Variants in BAIAP2L2 observed in about 807,000 individuals in gnomAD.
BAIAP2L2 encodes the protein BAR/IMD domain-containing adapter protein 2-like 2.
In BAIAP2L2, 65 loss-of-function variants were observed where a neutral mutation model predicts 60.4. The observed-to-expected ratio is 1.08, with a 90% confidence interval of 0.88 to 1.32. BAIAP2L2 has a LOEUF of 1.32. Among genes scored for constraint, BAIAP2L2 ranks in the 40% most tolerant of loss-of-function variants. BAIAP2L2 has a pLI of 0.00. For synonymous variants in BAIAP2L2, 344 were observed against 301.7 expected (o/e 1.14, Z -1.45); for missense variants, 836 against 741.2 (o/e 1.13, Z -1.48).
In BAIAP2L2 at chr22:38,088,832, C is replaced by T. The variant is rs778920958; in HGVS notation, c.1034G>A (p.Arg345His). The change falls in exon 10 of 14, where the codon CGC (arginine) becomes CAC (histidine). Residue 345 changes from arginine to histidine, a missense_variant. Physicochemically the swap from Arg to His is conservative, Grantham distance 29. Transcript: ENST00000381669. ...CTCCACCACGTCCCCAGCGGAGAAGCGCAGCAGCGTGTGGTTGGCGCCCTC... is the reference window on the plus strand; with the variant it reads ...CTCCACCACGTCCCCAGCGGAGAAGTGCAGCAGCGTGTGGTTGGCGCCCTC... ...HSEGANHTLLRFSAGDVVEVL... is the reference protein window; with the variant it reads ...HSEGANHTLLHFSAGDVVEVL... 2.5e-6 allele frequency: 4 copies of T among 1,600,088 alleles called. No homozygotes were observed. Among genetic ancestry groups the T allele is most frequent in the African/African-American group, 2.7e-5 (2 of 74,898 alleles).
At chr22:38,098,017 G>GCCCC in intron 6 of BAIAP2L2, 46 bp downstream of exon 6, 3 of 741,762 alleles carry the variant, frequency 4.0e-6, no homozygotes, top group Non-Finnish European at 4.5e-6. Context: ...CCCGAGGTCT[G>GCCCC]CCCACCCGCC....
intron 4 of BAIAP2L2, 75 bp downstream of exon 4, chr22:38,107,777 A>G: frequency 2.1e-6 from 3 of 1,398,338 alleles, no homozygotes; most frequent in Non-Finnish European, 3.0e-6. Flanking sequence ...GGCATCTGGT[A>G]GGCTGGGCCC....
At chr22:38,105,075 TAACA>T (rs891918599) in intron 4 of BAIAP2L2, among the ~76,000 whole-genome samples, 5 of 152,180 alleles carry the variant, frequency 3.3e-5, no homozygotes, top group African/African-American at 1.2e-4. Context: ...TAGTTTACAA[TAACA>T]AACATTTTTT....
At chr22:38,089,431 G>C in intron 8 of BAIAP2L2, 91 bp downstream of exon 8, 3 of 697,194 alleles carry the variant, frequency 4.3e-6, no homozygotes, top group South Asian at 7.2e-5. Context: ...AGCCTGGGGG[G>C]CAGGAGGCTC....
intron 7 of BAIAP2L2, among the ~76,000 whole-genome samples, chr22:38,092,213 G>A (rs140420276): frequency 4.1e-4 from 63 of 152,354 alleles, no homozygotes; most frequent in African/African-American, 1.3e-3. Context: ...TAGCGAAGAT[G>A]AATAAGAAAG....
At chr22:38,085,526 CTTT>C (rs1327527764) in intron 13 of BAIAP2L2, 151 bp from the exon 14 acceptor site, 1 of 1,284,372 alleles carries the variant, frequency 7.8e-7, no homozygotes, top group Non-Finnish European at 1.1e-6. Flanking sequence ...CTTTTTTTTT[CTTT>C]TAAGAGATAG....
At chr22:38,090,761 G>A (rs1053492675) in intron 7 of BAIAP2L2, 1 of 152,230 alleles carries the variant, frequency 6.6e-6, no homozygotes, top group African/African-American at 2.4e-5. Flanking sequence ...AGTAAGCGTT[G>A]AAGGGGTCTG....
At chr22:38,085,820 G>T in intron 12 of BAIAP2L2, 88 bp from the exon 13 acceptor site, 2 of 1,286,374 alleles carry the variant, frequency 1.6e-6, no homozygotes, top group African/African-American at 1.5e-5. Context: ...ATGCCCAAGG[G>T]CAGAGGACTG....
chr22:38,089,117 G>T lies in BAIAP2L2; in HGVS notation c.880C>A (p.Leu294Met), dbSNP rs1427661816. 2 of 1,371,644 alleles carry T rather than the reference G, an allele frequency of 1.5e-6. No individual in the cohort carries two copies. Among genetic ancestry groups the T allele is most frequent in the Non-Finnish European group, 1.9e-6 (2 of 1,068,878 alleles). The allele number at this position is 1,371,644 out of a possible 1,614,324, so 85.0% of individuals were successfully genotyped here. A position where few individuals can be genotyped will look rare whatever the true frequency, so the allele number is the denominator to read the frequency against. ...TCACAGGCCGACGGCGTGCGGGGCA[G>T]GGAGCGACGGTCTGGCTCTAGCTGG... The part of the protein sequence containing the change: ...ASQLEPDRRS[L>M]PRTPSASSLY... The change falls in exon 9 of 14, where the codon CTG (leucine) becomes ATG (methionine). Residue 294 changes from leucine (L) to methionine (M), a missense_variant. By Grantham distance (15) the Leu-to-Met change is conservative. Coordinates refer to ENST00000381669, the MANE Select transcript of BAIAP2L2 (RefSeq NM_025045.6).
At chr22:38,105,339 CTTT>C (rs1035690122) in intron 4 of BAIAP2L2, among the ~76,000 whole-genome samples, 5 of 94,964 alleles carry the variant, frequency 5.3e-5, no homozygotes, top group Non-Finnish European at 4.6e-5. Context: ...TTTTTCTTTT[CTTT>C]TTTTTTTTTT....
At chr22:38,109,709 C>T (rs541634215) in intron 1 of BAIAP2L2, among the ~76,000 whole-genome samples, 5 of 152,126 alleles carry the variant, frequency 3.3e-5, no homozygotes, top group African/African-American at 1.2e-4. Context: ...GTGTGGGCCT[C>T]CTCGGGCTGG....
At chr22:38,087,694 C>T (rs1240214958) in intron 10 of BAIAP2L2, among the ~76,000 whole-genome samples, 3 of 152,056 alleles carry the variant, frequency 2.0e-5, no homozygotes, top group Admixed American at 2.0e-4. Flanking sequence ...GTCACCCGCC[C>T]AGCTATGGAC....
At chr22:38,109,972 C>T (rs557796365) in intron 1 of BAIAP2L2, among the ~76,000 whole-genome samples, 13 of 144,952 alleles carry the variant, frequency 9.0e-5, no homozygotes, top group South Asian at 6.7e-4. Context: ...ATGTCTGTGG[C>T]GGCTGCAACA....
intron 6 of BAIAP2L2, 39 bp downstream of exon 6, chr22:38,098,024 C>CCCCCCAACAGG: frequency 3.1e-6 from 3 of 970,806 alleles, no homozygotes; most frequent in Non-Finnish European, 4.9e-6. Flanking sequence ...TCTGCCCACC[C>CCCCCCAACAGG]GCCCTTCCTG....
At chr22:38,089,433 A>T (rs1214804853) in intron 8 of BAIAP2L2, 89 bp downstream of exon 8, 1 of 685,100 alleles carries the variant, frequency 1.5e-6, no homozygotes, top group Non-Finnish European at 2.0e-6. Context: ...CCTGGGGGGC[A>T]GGAGGCTCCA....
intron 2 of BAIAP2L2, 123 bp downstream of exon 2, chr22:38,109,010 G>A: frequency 2.4e-6 from 2 of 841,516 alleles, no homozygotes; most frequent in South Asian, 1.5e-5. Context: ...TGAGGGTGGT[G>A]GGTAGGAGGG....
At position 38,098,181 on chromosome 22, in the gene BAIAP2L2, T is replaced by C. The variant is rs1292720208; in HGVS notation, c.349-2A>G. On this transcript the variant is annotated splice_acceptor_variant, in intron 5 of 13. Transcript: ENST00000381669. LOFTEE classifies it high-confidence loss of function. ...GAGCTCATAGTGCTGGCGGCTGTCCTGGGGTAGGGTGGAGTCGGGGAGGGA... is the reference window on the plus strand; with the variant it reads ...GAGCTCATAGTGCTGGCGGCTGTCCCGGGGTAGGGTGGAGTCGGGGAGGGA... 15 of 1,613,764 alleles carry C rather than the reference T, an allele frequency of 9.3e-6. No homozygotes were observed. In the Admixed American group the frequency reaches 1.5e-4, roughly 16 times the overall value.
intron 4 of BAIAP2L2, among the ~76,000 whole-genome samples, chr22:38,106,010 T>A (rs991336362): frequency 6.6e-6 from 1 of 152,046 alleles, no homozygotes; most frequent in Non-Finnish European, 1.5e-5. Flanking sequence ...TGGGCCTGGG[T>A]GACACTCATC....
chr22:38,097,301 C>T (rs2086459711), intron 6 of BAIAP2L2, 123 bp from the exon 7 acceptor site: 4 of 1,074,308 alleles, frequency 3.7e-6, no homozygotes, highest in African/African-American at 1.6e-5. Flanking sequence ...CAAGCCCACC[C>T]CCCATCACCC....
Sources: gnomAD v4.1 joint callset for allele counts (sites outside exome capture counted in the v4.1 genomes callset) on GRCh38, gnomAD v4.1.1 for gene constraint, MANE v1.5 for transcripts, NCBI Gene and HGNC (gene_info 2026-07-23, HGNC 2026-07-21) for gene names.